Variants in FAM135B observed in about 807,000 individuals in gnomAD.
FAM135B encodes protein FAM135B.
FAM135B carries 43 observed loss-of-function variants against 127.7 expected under a neutral mutation model. The observed-to-expected ratio is 0.34, with a 90% CI of 0.26 to 0.43. The LOEUF is 0.43. Ranked by LOEUF, FAM135B falls within the 20% of genes least tolerant of loss-of-function variation. FAM135B has a pLI of 1.00. For missense variants in FAM135B, 1,558 were observed against 1,725.6 expected, an observed-to-expected ratio of 0.90 and a Z score of 1.72; for synonymous variants, 670 against 665.1, an observed-to-expected ratio of 1.01 and a Z score of -0.11.
chr8:138,444,074 A>C (rs974448705), intron 1 of FAM135B, among the ~76,000 whole-genome samples: 1 of 152,226 alleles, frequency 6.6e-6, no homozygotes, highest in Non-Finnish European at 1.5e-5. Flanking sequence ...ATAATGGTAA[A>C]GGGATCAATT....
chr8:138,271,561 G>C (rs867371688), intron 3 of FAM135B, among the ~76,000 whole-genome samples: 7 of 152,284 alleles, frequency 4.6e-5, no homozygotes, highest in South Asian at 4.1e-4. Context: ...ACCTGTGTCT[G>C]TGGAATAGCG....
chr8:138,305,951 G>A (rs1038026701), intron 3 of FAM135B, among the ~76,000 whole-genome samples: 10 of 152,110 alleles, frequency 6.6e-5, no homozygotes. Context: ...GTATGTTTGT[G>A]TGTGTATATG....
At chr8:138,288,066 C>A (rs1298004257) in intron 3 of FAM135B, among the ~76,000 whole-genome samples, 1 of 152,060 alleles carries the variant, frequency 6.6e-6, no homozygotes, top group Admixed American at 6.6e-5. Flanking sequence ...AAAATTAGTA[C>A]AAAAACAACA....
intron 3 of FAM135B, among the ~76,000 whole-genome samples, chr8:138,283,205 C>G (rs1419493953): frequency 6.6e-6 from 1 of 152,058 alleles, no homozygotes; most frequent in African/African-American, 2.4e-5. Context: ...CTGGAAGCAA[C>G]CAAGACGTCC....
chr8:138,195,365 G>A, intron 8 of FAM135B, 58 bp from the exon 9 acceptor site: 1 of 1,552,254 alleles, frequency 6.4e-7, no homozygotes, highest in Non-Finnish European at 8.9e-7. Flanking sequence ...TGCAGCAGTT[G>A]CTAATTAAAT....
chr8:138,341,409 A>G (rs2131060331), intron 2 of FAM135B, among the ~76,000 whole-genome samples: 1 of 152,314 alleles, frequency 6.6e-6, no homozygotes. Context: ...CAGGGCAGGG[A>G]GAAAGGCAGG....
At chr8:138,229,030 T>A (rs1465631766) in intron 7 of FAM135B, among the ~76,000 whole-genome samples, 2 of 143,312 alleles carry the variant, frequency 1.4e-5, no homozygotes, top group Non-Finnish European at 3.0e-5. Flanking sequence ...TTTCCCTATA[T>A]GAACACTCAC....
At chr8:138,352,781 T>C (rs1410361670) in intron 2 of FAM135B, among the ~76,000 whole-genome samples, 1 of 32,456 alleles carries the variant, frequency 3.1e-5, no homozygotes, top group Non-Finnish European at 5.8e-5. Context: ...TATGGTTCTA[T>C]AGCTCCCTAA....
At chr8:138,332,732 G>A (rs763918704) in intron 2 of FAM135B, among the ~76,000 whole-genome samples, 2 of 152,038 alleles carry the variant, frequency 1.3e-5, no homozygotes, top group Non-Finnish European at 1.5e-5. Context: ...AGGGGCCTAC[G>A]CAACTCTAAA....
At position 138,135,376 on chromosome 8, in the gene FAM135B, T is replaced by C. The variant is rs1387307577; in HGVS notation, c.4015+1771A>G. ...ACTGAAAACCAGATCATTGACTCTTTATTTATTGTCACAGGTCTTAGCATA... is the reference window on the plus strand; with the variant it reads ...ACTGAAAACCAGATCATTGACTCTTCATTTATTGTCACAGGTCTTAGCATA... On this transcript the variant is annotated intron_variant, in intron 19 of 19. Transcript: ENST00000395297. 4.6e-5 allele frequency among the ~76,000 whole-genome samples: 7 copies of C among 152,318 alleles called. No individual in the cohort carries two copies. In the East Asian group the frequency reaches 1.3e-3, roughly 29 times the overall value.
At position 138,131,269 on chromosome 8, in the gene FAM135B, T is replaced by G. The variant is rs1051133698; in HGVS notation, c.*1324A>C. On this transcript the variant is annotated 3_prime_UTR_variant, in exon 20 of 20. Transcript: ENST00000395297. The stretch of plus-strand genomic sequence containing the variant: ...ATCTCCAAAAGATTAGGCTCCTGTC[T>G]TACTTATCCCTACTGTCCAGGTTCA... 1 of 152,234 alleles carries G rather than the reference T, an allele frequency of 6.6e-6. No individual in the cohort carries two copies. Among genetic ancestry groups the G allele is most frequent in the Admixed American group, 6.5e-5 (1 of 15,282 alleles). 9.4% of individuals were successfully genotyped at this position (152,234 alleles called of 1,614,324 possible). A position where few individuals can be genotyped will look rare whatever the true frequency, so the allele number is the denominator to read the frequency against.
At chr8:138,148,343 G>C (rs939321216) in intron 14 of FAM135B, among the ~76,000 whole-genome samples, 177 bp downstream of exon 14, 1 of 152,018 alleles carries the variant, frequency 6.6e-6, no homozygotes, top group Non-Finnish European at 1.5e-5. Flanking sequence ...TTGTGACAGA[G>C]AGATATTTTC....
At position 138,246,578 on chromosome 8, in the gene FAM135B, G is replaced by A. The variant is rs563760955; in HGVS notation, c.543-3510C>T. Among the ~76,000 whole-genome samples, 9 of 152,304 alleles carry A rather than the reference G, an allele frequency of 5.9e-5. No homozygotes were observed. In the South Asian group the frequency reaches 6.2e-4, roughly 11 times the overall value. On this transcript the variant is annotated intron_variant, in intron 6 of 19. Coordinates refer to ENST00000395297, the MANE Select transcript of FAM135B (RefSeq NM_015912.4). ...TCCACCTAGATTTCAGAGGCTATAT[G>A]GAAACTCCTGGATGTCCAGGCAGAA... is the stretch of plus-strand genomic sequence containing the variant.
chr8:138,381,837 G>T (rs950863854), intron 1 of FAM135B, among the ~76,000 whole-genome samples: 1 of 152,042 alleles, frequency 6.6e-6, no homozygotes. Flanking sequence ...ACAATTCATC[G>T]TGCCTGACAG....
intron 6 of FAM135B, among the ~76,000 whole-genome samples, chr8:138,249,604 C>G: frequency 6.6e-6 from 1 of 152,124 alleles, no homozygotes; most frequent in East Asian, 1.9e-4. Context: ...CTGGATCACA[C>G]CTTCAGGGGC....
chr8:138,167,900 G>C lies in FAM135B; in HGVS notation c.1253C>G (p.Ala418Gly), dbSNP rs747666977. Residue 418 changes from alanine (A) to glycine (G), a missense_variant, in exon 12 of 20, where the codon GCG becomes GGG. By Grantham distance (60) the Ala-to-Gly change is moderately conservative (BLOSUM62 0). Coordinates refer to ENST00000395297, the MANE Select transcript of FAM135B (RefSeq NM_015912.4). Reference sequence around the variant, plus strand: ...CCAAAACAAAACAGACAAACCTGTCGCAGGGCAGTCCACGTATCTGTCCTC... The same window carrying C: ...CCAAAACAAAACAGACAAACCTGTCCCAGGGCAGTCCACGTATCTGTCCTC... ...IFEDRYVDCP[A>G]TGHNLSVYPN... 1.2e-6 allele frequency: 2 copies of C among 1,608,992 alleles called. No individual in the cohort carries two copies. Among genetic ancestry groups the C allele is most frequent in the South Asian group, 1.1e-5 (1 of 90,302 alleles).
At chr8:138,443,208 T>TC (rs1192867712) in intron 1 of FAM135B, among the ~76,000 whole-genome samples, 1 of 151,940 alleles carries the variant, frequency 6.6e-6, no homozygotes, top group African/African-American at 2.4e-5. Context: ...ATTTTATCAA[T>TC]CCCCCCAAAT....
At chr8:138,388,179 A>G (rs1232767485) in intron 1 of FAM135B, among the ~76,000 whole-genome samples, 1 of 152,200 alleles carries the variant, frequency 6.6e-6, no homozygotes, top group Non-Finnish European at 1.5e-5. Context: ...AAAATGCAAA[A>G]GAAAACAACA....
chr8:138,327,499 C>T (rs1286997982), intron 2 of FAM135B, among the ~76,000 whole-genome samples: 4 of 152,152 alleles, frequency 2.6e-5, no homozygotes, highest in African/African-American at 7.2e-5. Context: ...CACTTGGGTA[C>T]ATAAAATGAC....
Sources: gnomAD v4.1 joint callset for allele counts (sites outside exome capture counted in the v4.1 genomes callset) on GRCh38, gnomAD v4.1.1 for gene constraint, MANE v1.5 for transcripts, NCBI Gene and HGNC (gene_info 2026-07-23, HGNC 2026-07-21) for gene names.